The following DCAF6 variants were observed in gnomAD, a reference collection of about 807,000 sequenced individuals.
DCAF6 encodes DDB1- and CUL4-associated factor 6.
Under a neutral mutation model 125.1 loss-of-function variants are expected in DCAF6, and 54 were observed. That is an observed-to-expected ratio of 0.43 (90% CI 0.35 to 0.54). DCAF6 has a LOEUF of 0.54. Ranked by LOEUF, DCAF6 falls within the 20% of genes least tolerant of loss-of-function variation. The pLI, the probability that DCAF6 is intolerant of heterozygous loss-of-function variation, is 0.01. For synonymous variants in DCAF6, 371 were observed against 390.4 expected, an observed-to-expected ratio of 0.95 and a Z score of 0.58; for missense variants, 934 against 1,161.7, an observed-to-expected ratio of 0.80 and a Z score of 2.85.
chr1:168,059,748 C>T (rs1026260614), intron 17 of DCAF6, among the ~76,000 whole-genome samples: 3 of 152,210 alleles, frequency 2.0e-5, no homozygotes, highest in South Asian at 4.1e-4. Flanking sequence ...TAGGCTCAGG[C>T]GATCCTCCCA....
upstream of DCAF6, chr1:167,936,008 T>G (rs1027195140): frequency 1.6e-6 from 1 of 620,072 alleles, no homozygotes; most frequent in African/African-American, 1.8e-5. Context: ...ACCGAAAAGC[T>G]GCGGCCCGCG....
chr1:167,869,604 G>A, the DCAF6 span, among the ~76,000 whole-genome samples: 1 of 152,252 alleles, frequency 6.6e-6, no homozygotes, highest in South Asian at 2.1e-4. Context: ...AGCAACTGTT[G>A]TTATCTATAG....
At chr1:167,949,946 G>A (rs751758843) in intron 1 of DCAF6, among the ~76,000 whole-genome samples, 2 of 152,158 alleles carry the variant, frequency 1.3e-5, no homozygotes, top group African/African-American at 2.4e-5. Flanking sequence ...ATGTCTGGAC[G>A]ATGCAATAAA....
At chr1:167,982,678 T>C (rs986717685) in intron 4 of DCAF6, among the ~76,000 whole-genome samples, 6 of 152,212 alleles carry the variant, frequency 3.9e-5, no homozygotes, top group Non-Finnish European at 5.9e-5. Flanking sequence ...GTCCCACTTG[T>C]CAATTTTTGT....
chr1:167,922,336 A>G, the DCAF6 span, among the ~76,000 whole-genome samples: 3 of 152,148 alleles, frequency 2.0e-5, no homozygotes, highest in Non-Finnish European at 2.9e-5. Flanking sequence ...AACCAGTTCA[A>G]ATAAACCCCA....
Position 168,000,155 on chromosome 1 carries a change from C to G in DCAF6, c.904-2327C>G, listed in dbSNP as rs1682370891. Reference sequence around the variant, plus strand: ...CTCGAGAGGGAGAGAGATGGGGAAACAGCTGGTCAGTGAAGCAGTCAGAAT... The same window carrying G: ...CTCGAGAGGGAGAGAGATGGGGAAAGAGCTGGTCAGTGAAGCAGTCAGAAT... On this transcript the variant is annotated intron_variant, in intron 7 of 21. Coordinates refer to ENST00000367840, the MANE Select transcript of DCAF6 (RefSeq NM_001198956.2). 3.9e-5 allele frequency among the ~76,000 whole-genome samples: 6 copies of G among 152,212 alleles called. No homozygotes were observed. In the South Asian group the frequency reaches 1.2e-3, roughly 32 times the overall value.
At chr1:167,886,671 G>A in the DCAF6 span, among the ~76,000 whole-genome samples, 5 of 152,028 alleles carry the variant, frequency 3.3e-5, no homozygotes, top group Non-Finnish European at 5.9e-5. Flanking sequence ...CAAAAGCAAT[G>A]GCAACAAAAA....
intron 2 of DCAF6, among the ~76,000 whole-genome samples, chr1:167,960,594 G>A (rs917808788): frequency 6.6e-6 from 1 of 152,172 alleles, no homozygotes; most frequent in African/African-American, 2.4e-5. Flanking sequence ...TTTATAGTAA[G>A]TCTTGAAGTT....
the DCAF6 span, chr1:167,901,947 C>T: frequency 6.2e-7 from 1 of 1,607,766 alleles, no homozygotes; most frequent in Non-Finnish European, 8.5e-7. Context: ...CCTCCTTTGT[C>T]CCCAACACAG....
intron 3 of DCAF6, among the ~76,000 whole-genome samples, chr1:167,973,186 C>A (rs550604360): frequency 6.6e-6 from 1 of 152,302 alleles, no homozygotes; most frequent in African/African-American, 2.4e-5. Context: ...ATGACATTGA[C>A]ATGTCAGGCT....
intron 2 of DCAF6, among the ~76,000 whole-genome samples, chr1:167,952,616 C>T (rs1674138785): frequency 6.6e-6 from 1 of 152,190 alleles, no homozygotes; most frequent in Admixed American, 6.5e-5. Context: ...TACATCTTCT[C>T]TGTCTCAGCT....
intron 1 of DCAF6, among the ~76,000 whole-genome samples, chr1:167,949,091 A>C (rs1673531315): frequency 6.6e-6 from 1 of 152,252 alleles, no homozygotes; most frequent in East Asian, 1.9e-4. Context: ...TTTGGAATAC[A>C]TGGGTCAATA....
chr1:167,890,411 G>A, the DCAF6 span, among the ~76,000 whole-genome samples: 1 of 152,264 alleles, frequency 6.6e-6, no homozygotes, highest in African/African-American at 2.4e-5. Flanking sequence ...AACAAATGGA[G>A]TCTCTATTTC....
chr1:167,892,974 T>A, the DCAF6 span, among the ~76,000 whole-genome samples: 1 of 152,170 alleles, frequency 6.6e-6, no homozygotes, highest in Non-Finnish European at 1.5e-5. Flanking sequence ...GATAAAAATA[T>A]CTACCAAGGA....
chr1:167,866,127 A>G, the DCAF6 span, among the ~76,000 whole-genome samples: 1 of 152,176 alleles, frequency 6.6e-6, no homozygotes, highest in Admixed American at 6.5e-5. Flanking sequence ...GTGTGGTGGT[A>G]TTGTGGTGGA....
At chr1:168,066,293 T>A in intron 19 of DCAF6, 84 bp from the exon 20 acceptor site, 1 of 766,536 alleles carries the variant, frequency 1.3e-6, no homozygotes, top group Non-Finnish European at 2.0e-6. Context: ...TTAGTTTTGC[T>A]ATATATACAT....
the DCAF6 span, among the ~76,000 whole-genome samples, chr1:167,918,628 C>G: frequency 6.7e-6 from 1 of 148,298 alleles, no homozygotes; most frequent in East Asian, 2.0e-4. Flanking sequence ...GAGTCTCACT[C>G]TGTCGCCCAG....
chr1:167,973,894 A>C (rs762077084), intron 3 of DCAF6, among the ~76,000 whole-genome samples: 2 of 152,112 alleles, frequency 1.3e-5, no homozygotes, highest in Non-Finnish European at 2.9e-5. Context: ...TTTGGGGTAA[A>C]TTCCTAGAAA....
intron 1 of DCAF6, among the ~76,000 whole-genome samples, chr1:167,950,674 C>G (rs998804612): frequency 5.3e-5 from 8 of 152,098 alleles, no homozygotes; most frequent in African/African-American, 1.9e-4. Context: ...TAGGCAGATA[C>G]AATTTTATGA....
Sources: allele counts gnomAD v4.1 joint callset (sites outside exome capture counted in the v4.1 genomes callset), GRCh38; gene constraint gnomAD v4.1.1; transcripts MANE v1.5; gene names NCBI Gene and HGNC (gene_info 2026-07-23, HGNC 2026-07-21).